CDH4: variants seen among roughly 807,000 people sequenced by gnomAD.
The protein encoded by CDH4 is cadherin 4, also known as cadherin-4.
CDH4 carries 33 observed loss-of-function variants against 86.0 expected under a neutral mutation model. The observed-to-expected ratio is 0.38, with a 90% CI of 0.29 to 0.51. The LOEUF is 0.51. Among genes scored for constraint, CDH4 ranks in the 20% least tolerant of loss-of-function variants. The probability of loss-of-function intolerance (pLI) is 0.86; values close to 1 mark genes in which losing one functional copy is unlikely to be tolerated. For missense variants in CDH4, 1,114 were observed against 1,307.4 expected, an observed-to-expected ratio of 0.85 and a Z score of 2.28; for synonymous variants, 555 against 549.4, an observed-to-expected ratio of 1.01 and a Z score of -0.14.
intron 2 of CDH4, among the ~76,000 whole-genome samples, chr20:61,650,377 C>T (rs753761660): frequency 3.3e-5 from 5 of 152,216 alleles, no homozygotes; most frequent in Non-Finnish European, 7.3e-5. Flanking sequence ...TATATACTTA[C>T]TTGTGGAATA....
chr20:61,652,940 T>TTATTTA (rs1174373187), intron 2 of CDH4, among the ~76,000 whole-genome samples: 1 of 111,132 alleles, frequency 9.0e-6, no homozygotes, highest in African/African-American at 3.0e-5. Context: ...ATTTATTTAT[T>TTATTTA]TTTTTTTTTT....
chr20:61,722,452 C>T (rs66581965), intron 2 of CDH4, among the ~76,000 whole-genome samples: 12,943 of 152,260 alleles, frequency 0.085, 858 homozygotes, highest in African/African-American at 0.18. Context: ...AAGTTAGAGG[C>T]GACCACATGA....
intron 3 of CDH4, among the ~76,000 whole-genome samples, chr20:61,747,760 G>A (rs1198265488): frequency 2.6e-5 from 4 of 152,110 alleles, no homozygotes; most frequent in Non-Finnish European, 5.9e-5. Context: ...AGAAGCAACC[G>A]TAAGAGATAT....
At chr20:61,718,371 C>T in intron 2 of CDH4, 1 of 169,360 alleles carries the variant, frequency 5.9e-6, no homozygotes, top group African/African-American at 2.4e-5. Flanking sequence ...GAGCCTGGTC[C>T]CTCTGGGTGT....
chr20:61,387,171 G>A (rs2084955992), intron 2 of CDH4, among the ~76,000 whole-genome samples: 1 of 139,856 alleles, frequency 7.2e-6, no homozygotes, highest in African/African-American at 2.8e-5. Flanking sequence ...CCCCTAATAT[G>A]ACACACACAC....
At chr20:61,306,280 A>G (rs1428405127) in intron 2 of CDH4, among the ~76,000 whole-genome samples, 1 of 152,158 alleles carries the variant, frequency 6.6e-6, no homozygotes, top group Non-Finnish European at 1.5e-5. Context: ...AATGCAGTTT[A>G]CTCTGCAAGA....
chr20:61,555,433 TGTCCTGCTACCTGGA>T (rs1330513392), intron 2 of CDH4, among the ~76,000 whole-genome samples: 1 of 152,182 alleles, frequency 6.6e-6, no homozygotes, highest in Non-Finnish European at 1.5e-5. Context: ...TGTGCAGGAC[TGTCCTGCTACCTGGA>T]GCAGGACCCT....
In CDH4 at chr20:61,678,660, G is replaced by C. The variant is rs2087473350; in HGVS notation, c.170-64903G>C. Among the ~76,000 whole-genome samples, 2 of 152,210 alleles carry C rather than the reference G, an allele frequency of 1.3e-5. 1 individual carries two copies. Among genetic ancestry groups the C allele is most frequent in the South Asian group, 4.1e-4 (2 of 4,824 alleles). On this transcript the variant is annotated intron_variant, in intron 2 of 15. Transcript: ENST00000614565. ...CTGGAGGCCGGGAGTCTGAAATCCA[G>C]GTGTGGGCAGGGCTAGCTCCCCCAG...
intron 2 of CDH4, among the ~76,000 whole-genome samples, chr20:61,664,380 TGGGGTG>T (rs2087298688): frequency 6.6e-6 from 1 of 151,720 alleles, no homozygotes; most frequent in Non-Finnish European, 1.5e-5. Flanking sequence ...GGCCTGGGAG[TGGGGTG>T]GGGGCAGAAA....
At chr20:61,321,981 C>A (rs186065596) in intron 2 of CDH4, among the ~76,000 whole-genome samples, 8 of 151,914 alleles carry the variant, frequency 5.3e-5, no homozygotes, top group Non-Finnish European at 1.0e-4. Context: ...ATTATTATCC[C>A]CATTTTACAG....
At chr20:61,618,015 T>G (rs1236607137) in intron 2 of CDH4, among the ~76,000 whole-genome samples, 2 of 152,210 alleles carry the variant, frequency 1.3e-5, no homozygotes. Flanking sequence ...CCATGTAAGA[T>G]GTGCCTTTCA....
intron 12 of CDH4, among the ~76,000 whole-genome samples, 188 bp downstream of exon 12, chr20:61,928,611 GCCA>G (rs1243097440): frequency 6.6e-6 from 1 of 152,222 alleles, no homozygotes; most frequent in Non-Finnish European, 1.5e-5. Context: ...CCTTGAGGAG[GCCA>G]CCAAGTCATT....
intron 2 of CDH4, among the ~76,000 whole-genome samples, chr20:61,288,382 G>A (rs8124030): frequency 0.015 from 2,274 of 152,284 alleles, 81 homozygotes; most frequent in East Asian, 0.13. Flanking sequence ...CGTTCAAAGC[G>A]GTGGCCATTG....
At chr20:61,612,458 T>TATC (rs1267933339) in intron 2 of CDH4, among the ~76,000 whole-genome samples, 1 of 152,094 alleles carries the variant, frequency 6.6e-6, no homozygotes, top group Non-Finnish European at 1.5e-5. Flanking sequence ...CATTCCTCCT[T>TATC]ATCAGCAGCT....
chr20:61,794,107 C>T (rs1327303316), intron 4 of CDH4, among the ~76,000 whole-genome samples: 8 of 148,890 alleles, frequency 5.4e-5, no homozygotes, highest in Admixed American at 2.7e-4. Context: ...GGCGCCACTG[C>T]ACTCCAGCTT....
chr20:61,853,095 C>T (rs1982813577), intron 6 of CDH4, among the ~76,000 whole-genome samples, 197 bp downstream of exon 6: 2 of 152,198 alleles, frequency 1.3e-5, no homozygotes, highest in Non-Finnish European at 2.9e-5. Context: ...GGGTTGCAGA[C>T]CACAGGTGAG....
chr20:61,656,708 G>GA (rs2087195822), intron 2 of CDH4, among the ~76,000 whole-genome samples: 1 of 152,218 alleles, frequency 6.6e-6, no homozygotes, highest in South Asian at 2.1e-4. Context: ...CTGAACCTCA[G>GA]AAAATCTCTC....
chr20:61,923,388 C>T (rs1233831673), intron 9 of CDH4, 63 bp from the exon 10 acceptor site: 9 of 1,558,710 alleles, frequency 5.8e-6, no homozygotes, highest in Admixed American at 1.7e-5. Context: ...CCCATGTGTC[C>T]CCCCATGCCC....
chr20:61,733,622 A>G (rs1161305400), intron 2 of CDH4, among the ~76,000 whole-genome samples: 1 of 152,014 alleles, frequency 6.6e-6, no homozygotes, highest in Non-Finnish European at 1.5e-5. Context: ...GTAGGGAGGA[A>G]ATGGGTACAC....
Sources: allele counts gnomAD v4.1 joint callset (sites outside exome capture counted in the v4.1 genomes callset), GRCh38; gene constraint gnomAD v4.1.1; transcripts MANE v1.5; gene names NCBI Gene and HGNC (gene_info 2026-07-23, HGNC 2026-07-21).